MUC22: variants seen among roughly 807,000 people sequenced by gnomAD.
MUC22 encodes the protein mucin-22.
MUC22 carries 24 observed loss-of-function variants against 40.3 expected under a neutral mutation model. The ratio of observed to expected loss-of-function variants is 0.60; its 90% CI spans 0.43 to 0.84. The LOEUF (loss-of-function observed/expected upper bound fraction) is 0.84. MUC22 is among the 40% of genes least tolerant of loss of function. MUC22 has a pLI of 0.00. For missense variants in MUC22, 1,926 were observed against 2,130.7 expected (o/e 0.90, Z 1.89); for synonymous variants, 765 against 844.5 (o/e 0.91, Z 1.63).
chr6:31,023,791 T>C (rs1417913223), intron 1 of MUC22, among the ~76,000 whole-genome samples: 1 of 152,046 alleles, frequency 6.6e-6, no homozygotes, highest in Non-Finnish European at 1.5e-5. Context: ...AGAAAAAAAT[T>C]GAGTGACTAT....
chr6:31,026,976 C>G (rs1195144770), exon 2 of MUC22: 1 of 1,493,778 alleles, frequency 6.7e-7, no homozygotes. Flanking sequence ...ATTCTGAAAC[C>G]AACACAGCAT....
At chr6:31,028,922 A>G (rs73727169) in exon 2 of MUC22, 2 of 1,519,954 alleles carry the variant, frequency 1.3e-6, no homozygotes, top group East Asian at 4.9e-5. Flanking sequence ...GAAGGCTCTG[A>G]GATCACTACA....
At chr6:31,014,184 G>A (rs1360028326) in intron 1 of MUC22, among the ~76,000 whole-genome samples, 2 of 151,738 alleles carry the variant, frequency 1.3e-5, no homozygotes, top group African/African-American at 2.4e-5. Context: ...ATGACCATCC[G>A]TTCTTGTAAT....
chr6:31,034,560 C>G, intron 3 of MUC22, 112 bp from the exon 4 acceptor site: 1 of 829,446 alleles, frequency 1.2e-6, no homozygotes, highest in Non-Finnish European at 1.8e-6. Context: ...GAGAAGAGAA[C>G]ATGGGCAGTT....
At chr6:31,015,826 GA>G (rs1764156116) in intron 1 of MUC22, among the ~76,000 whole-genome samples, 1 of 152,160 alleles carries the variant, frequency 6.6e-6, no homozygotes, top group Admixed American at 6.5e-5. Context: ...TTGCACAGTA[GA>G]AAGTTGTATC....
chr6:31,033,958 C>G (rs1279394327), intron 3 of MUC22, among the ~76,000 whole-genome samples: 1 of 152,190 alleles, frequency 6.6e-6, no homozygotes, highest in Non-Finnish European at 1.5e-5. Context: ...AAGAATTACT[C>G]CCTAAATTAC....
chr6:31,029,318 C>T, exon 2 of MUC22: 1 of 1,528,806 alleles, frequency 6.5e-7, no homozygotes, highest in Non-Finnish European at 8.8e-7. Context: ...TCTGAGACCA[C>T]AGCAGTCTAT....
exon 2 of MUC22, chr6:31,027,880 A>G: frequency 6.5e-7 from 1 of 1,534,378 alleles, no homozygotes; most frequent in Non-Finnish European, 8.7e-7. Context: ...TGAGATGACT[A>G]CAGTCTCCAC....
chr6:31,027,381 C>G, exon 2 of MUC22: 2 of 1,532,824 alleles, frequency 1.3e-6, no homozygotes, highest in Non-Finnish European at 1.7e-6. Context: ...CAGTCTCCAC[C>G]ACAGGCTCTG....
At chr6:31,013,018 C>A (rs900716526) in intron 1 of MUC22, among the ~76,000 whole-genome samples, 2 of 152,060 alleles carry the variant, frequency 1.3e-5, no homozygotes, top group Admixed American at 6.5e-5. Flanking sequence ...GTTCTTCAGA[C>A]AGTGTGATCC....
chr6:31,028,652 C>T, exon 2 of MUC22: 1 of 1,534,898 alleles, frequency 6.5e-7, no homozygotes, highest in South Asian at 1.2e-5. Flanking sequence ...GCCTCTGAGA[C>T]CACCACAGTC....
chr6:31,025,723 A>ACCT, exon 2 of MUC22: 1 of 1,529,068 alleles, frequency 6.5e-7, no homozygotes, highest in Non-Finnish European at 8.8e-7. Flanking sequence ...CACGGCCTCC[A>ACCT]CCACAGACTC....
At chr6:31,024,416 C>T (rs1765106056) in intron 1 of MUC22, among the ~76,000 whole-genome samples, 1 of 150,682 alleles carries the variant, frequency 6.6e-6, no homozygotes, top group Non-Finnish European at 1.5e-5. Flanking sequence ...GAAAAGGGTT[C>T]TTTGTGTTAT....
chr6:31,006,789 G>A (rs1252793292), upstream of MUC22, among the ~76,000 whole-genome samples: 1 of 152,154 alleles, frequency 6.6e-6, no homozygotes, highest in African/African-American at 2.4e-5. Context: ...CTATAAGTTC[G>A]TAGAGCAGGA....
intron 1 of MUC22, among the ~76,000 whole-genome samples, chr6:31,017,534 C>T (rs1764315977): frequency 6.6e-6 from 1 of 152,104 alleles, no homozygotes; most frequent in Admixed American, 6.5e-5. Context: ...ATCTTTATGT[C>T]TAGCTAAGGG....
intron 1 of MUC22, among the ~76,000 whole-genome samples, chr6:31,013,278 C>A (rs890934990): frequency 6.6e-6 from 1 of 151,864 alleles, no homozygotes; most frequent in African/African-American, 2.4e-5. Context: ...AGGCGCACAC[C>A]GCCACGCCCA....
chr6:31,029,846 G>A (rs1471984813), exon 2 of MUC22: 5 of 1,470,532 alleles, frequency 3.4e-6, no homozygotes, highest in African/African-American at 1.4e-5. Flanking sequence ...TGTACCACAG[G>A]TTCTGAGACC....
At chr6:31,009,005 C>T (rs1763697872), upstream of MUC22, among the ~76,000 whole-genome samples, 1 of 152,112 alleles carries the variant, frequency 6.6e-6, no homozygotes, top group Non-Finnish European at 1.5e-5. Flanking sequence ...ACATATTTAC[C>T]ATTTCTTTTC....
chr6:31,026,193 C>T lies in MUC22; in HGVS notation c.762C>T (p.Ser254=), dbSNP rs1291510579. 2.0e-6 allele frequency: 3 copies of T among 1,522,520 alleles called. 1 individual carries two copies. In the South Asian group the frequency reaches 3.6e-5, roughly 18 times the overall value. The allele number at this position is 1,522,520 out of a possible 1,614,324, so 94.3% of individuals were successfully genotyped here. A position where few individuals can be genotyped will look rare whatever the true frequency, so the allele number is the denominator to read the frequency against. Residue 254 remains serine, a synonymous_variant, in exon 2 of 4, where the codon AGC becomes AGT. Coordinates refer to ENST00000561890, the Ensembl canonical transcript of MUC22. ...AGGTGATCACGGCATCCAGCATGAG[C>T]TCTGAGACCACTGTGGCCCCCGCTG...
Sources: allele counts gnomAD v4.1 joint callset (sites outside exome capture counted in the v4.1 genomes callset), GRCh38; gene constraint gnomAD v4.1.1; transcripts MANE v1.5; gene names NCBI Gene and HGNC (gene_info 2026-07-23, HGNC 2026-07-21).